Variants in PTPRB observed in about 807,000 individuals in gnomAD.
PTPRB encodes receptor-type tyrosine-protein phosphatase beta.
A neutral mutation model predicts 238.1 loss-of-function variants in PTPRB; 97 were observed. The ratio of observed to expected loss-of-function variants is 0.41; its 90% CI spans 0.35 to 0.48. The LOEUF (loss-of-function observed/expected upper bound fraction) is 0.48, where lower values mean the gene tolerates loss of function less well. Ranked by LOEUF, PTPRB falls within the 20% of genes least tolerant of loss-of-function variation. PTPRB has a pLI of 0.30. For synonymous variants in PTPRB, 970 were observed against 995.4 expected, an observed-to-expected ratio of 0.97 and a Z score of 0.48; for missense variants, 2,292 against 2,681.9, an observed-to-expected ratio of 0.85 and a Z score of 3.21.
chr12:70,567,390 C>A (rs982639874), intron 14 of PTPRB, among the ~76,000 whole-genome samples: 14 of 152,190 alleles, frequency 9.2e-5, no homozygotes, highest in Non-Finnish European at 5.9e-5. Flanking sequence ...ATCCAACACT[C>A]AAGACGTCCA....
At position 70,538,932 on chromosome 12, in the gene PTPRB, A is replaced by C; in HGVS notation, c.5861T>G (p.Ile1954Arg). Residue 1954 changes from isoleucine to arginine, a missense_variant, in exon 27 of 34, where the codon ATA becomes AGA. Coordinates refer to ENST00000334414, the MANE Select transcript of PTPRB (RefSeq NM_001109754.4). ...TTTGACACAAAACTTACAGGGCAAT[A>C]TATTGTTGTATCGATTTTTCCCTCT... ...ENRGKNRYNN[I>R]LPYDATRVKL... is the part of the protein sequence containing the mutation. The C allele has an allele frequency of 6.2e-7, 1 of 1,612,102 alleles. No homozygotes were observed. The highest frequency in any genetic ancestry group is 8.5e-7 in the Non-Finnish European group (1 of 1,178,730).
At chr12:70,610,715 T>C (rs919606688) in intron 3 of PTPRB, among the ~76,000 whole-genome samples, 2 of 152,160 alleles carry the variant, frequency 1.3e-5, no homozygotes, top group East Asian at 1.9e-4. Context: ...CTAAATCTTA[T>C]GTAAATAGCG....
At chr12:70,538,778 C>T in intron 27 of PTPRB, 146 bp downstream of exon 27, 1 of 662,260 alleles carries the variant, frequency 1.5e-6, no homozygotes, top group Non-Finnish European at 2.6e-6. Context: ...CAGGAATATA[C>T]AAGCTATTTC....
In PTPRB at chr12:70,540,884, G is replaced by C. The variant is rs1476829085; in HGVS notation, c.5568C>G (p.Ala1856=). 19 of 1,604,370 alleles carry C rather than the reference G, an allele frequency of 1.2e-5. No homozygotes were observed. Among genetic ancestry groups the C allele is most frequent in the Non-Finnish European group, 1.4e-5 (17 of 1,175,474 alleles). The part of the protein sequence containing the change: ...FLIGMLVAVV[A]LLICRQKVSH... ...TCACTTTCTGTCTGCAGATCAATAA[G>C]GCAACAACAGCCACTAGCATGCCAA... Residue 1856 remains alanine (A), a synonymous_variant, in exon 23 of 34, where the codon GCC becomes GCG. Transcript: ENST00000334414.
chr12:70,616,211 T>A (rs917102682), intron 3 of PTPRB, among the ~76,000 whole-genome samples: 1 of 152,166 alleles, frequency 6.6e-6, no homozygotes, highest in Non-Finnish European at 1.5e-5. Flanking sequence ...CCCAAAGTGC[T>A]AGGATTACAG....
chr12:70,622,690 T>A, intron 2 of PTPRB, 44 bp from the exon 3 acceptor site: 1 of 1,496,780 alleles, frequency 6.7e-7, no homozygotes, highest in Non-Finnish European at 8.9e-7. Context: ...TCTCATGTTT[T>A]ATGAATTCTT....
chr12:70,592,580 C>T, intron 6 of PTPRB, 35 bp from the exon 7 acceptor site: 1 of 1,589,320 alleles, frequency 6.3e-7, no homozygotes, highest in South Asian at 1.2e-5. Flanking sequence ...GACTTTTACT[C>T]AGGATCTCTC....
intron 33 of PTPRB, 39 bp downstream of exon 33, chr12:70,524,432 A>G: frequency 6.4e-7 from 1 of 1,554,882 alleles, no homozygotes; most frequent in South Asian, 1.2e-5. Flanking sequence ...CCATATCTTG[A>G]TGAAGAAACT....
intron 4 of PTPRB, among the ~76,000 whole-genome samples, chr12:70,605,992 G>C (rs576699166): frequency 4.3e-4 from 65 of 152,176 alleles, no homozygotes; most frequent in South Asian, 1.2e-3. Flanking sequence ...TAAATACTTT[G>C]GCTTTCAAAG....
At chr12:70,565,493 T>C (rs1879172080) in intron 15 of PTPRB, among the ~76,000 whole-genome samples, 1 of 152,214 alleles carries the variant, frequency 6.6e-6, no homozygotes, top group Non-Finnish European at 1.5e-5. Context: ...AAATGTCACT[T>C]TTATGAAGAT....
chr12:70,598,806 C>T lies in PTPRB; in HGVS notation c.980-2479G>A, dbSNP rs181430408. ...AAATAATGTCATGATCAGTAGAATC[C>T]AAACATATATAATCCACAAAATATG... On this transcript the variant is annotated intron_variant, in intron 4 of 33. Transcript: ENST00000334414. Among the ~76,000 whole-genome samples, 778 of 152,158 alleles carry T rather than the reference C, an allele frequency of 5.1e-3. 10 individuals carry two copies. The highest frequency in any genetic ancestry group is 0.018 in the African/African-American group (742 of 41,526).
chr12:70,618,243 G>A (rs750516128), intron 3 of PTPRB, among the ~76,000 whole-genome samples: 1 of 152,106 alleles, frequency 6.6e-6, no homozygotes, highest in Admixed American at 6.5e-5. Flanking sequence ...GGGATCACAG[G>A]CACGCACCAC....
At chr12:70,606,589 T>G (rs1331882855) in intron 4 of PTPRB, among the ~76,000 whole-genome samples, 1 of 152,262 alleles carries the variant, frequency 6.6e-6, no homozygotes, top group Non-Finnish European at 1.5e-5. Flanking sequence ...GCACAGATAT[T>G]TTCAATTACT....
chr12:70,590,340 C>G (rs1271238520), intron 7 of PTPRB, 107 bp from the exon 8 acceptor site: 1 of 1,141,600 alleles, frequency 8.8e-7, no homozygotes. Flanking sequence ...ATCTGCAGTT[C>G]AAAACATTTC....
rs111634123 is a variant in PTPRB, at chr12:70,569,818, C to T, written c.3491G>A (p.Ser1164Asn). 1.9e-3 allele frequency: 3,124 copies of T among 1,613,976 alleles called. 5 individuals carry two copies. The highest frequency in any genetic ancestry group is 2.4e-3 in the Non-Finnish European group (2,775 of 1,179,890). ...DSYTVSAFRH[S>N]QKVDSQTIPK... ...AATAGTCTGAGAGTCAACCTTTTGACTGTGCCTGAATGCCGACACCGTGTA... is the reference window on the plus strand; with the variant it reads ...AATAGTCTGAGAGTCAACCTTTTGATTGTGCCTGAATGCCGACACCGTGTA... Residue 1164 changes from serine (S) to asparagine (N), a missense_variant, in exon 14 of 34, where the codon AGT becomes AAT. Physicochemically the swap from Ser to Asn is conservative, Grantham distance 46. Transcript: ENST00000334414.
chr12:70,517,252 C>G lies in PTPRB; in HGVS notation c.*4237G>C, dbSNP rs1871265123. 1 of 152,154 alleles carries G rather than the reference C, an allele frequency of 6.6e-6. No homozygotes were observed. The highest frequency in any genetic ancestry group is 1.5e-5 in the Non-Finnish European group (1 of 68,042). 9.4% of individuals were successfully genotyped at this position (152,154 alleles called of 1,614,324 possible). ...ACCATCTGGCCAACATAGAGTGAAT[C>G]CTCAAAAGGGCAACATGTCCTAATA... On this transcript the variant is annotated 3_prime_UTR_variant, in exon 34 of 34. Coordinates refer to ENST00000334414, the MANE Select transcript of PTPRB (RefSeq NM_001109754.4).
intron 21 of PTPRB, among the ~76,000 whole-genome samples, chr12:70,549,564 C>A (rs1179765255): frequency 6.6e-6 from 1 of 152,168 alleles, no homozygotes; most frequent in Admixed American, 6.5e-5. Context: ...ATTTCTCAAT[C>A]CTAATTATTC....
rs1877425828 is a variant in PTPRB at position 70,554,947 on chromosome 12, A to G, written c.5143+213T>C. ...ATTATCATTACTCTTCTATTTAATA[A>G]TTAAACCCAGAGGATAACAGGCTTT... On this transcript the variant is annotated intron_variant, in intron 20 of 33. Transcript: ENST00000334414. Among the ~76,000 whole-genome samples the G allele has an allele frequency of 3.9e-5, 6 of 152,214 alleles. 1 individual carries two copies. The highest frequency in any genetic ancestry group is 3.9e-4 in the Admixed American group (6 of 15,278).
chr12:70,590,265 A>G (rs1882350064), intron 7 of PTPRB, 32 bp from the exon 8 acceptor site: 1 of 1,512,266 alleles, frequency 6.6e-7, no homozygotes, highest in Non-Finnish European at 8.9e-7. Flanking sequence ...AAAAGGAGAT[A>G]TTACAGACCA....
Sources: gnomAD v4.1 joint callset for allele counts (sites outside exome capture counted in the v4.1 genomes callset) on GRCh38, gnomAD v4.1.1 for gene constraint, MANE v1.5 for transcripts, NCBI Gene and HGNC (gene_info 2026-07-23, HGNC 2026-07-21) for gene names.